The following PAG1 variants were observed in gnomAD, a reference collection of about 807,000 sequenced individuals.
PAG1 encodes the protein phosphoprotein membrane anchor with glycosphingolipid microdomains 1.
In PAG1, 23 loss-of-function variants were observed where a neutral mutation model predicts 31.7. The observed-to-expected ratio is 0.73, with a 90% CI of 0.52 to 1.03. The LOEUF (loss-of-function observed/expected upper bound fraction) is 1.03. Among genes scored for constraint, PAG1 ranks in the 50% least tolerant of loss-of-function variants. PAG1 has a pLI of 0.00. For synonymous variants in PAG1, 214 were observed against 210.3 expected (o/e 1.02, Z -0.15); for missense variants, 473 against 540.7 (o/e 0.87, Z 1.24).
chr8:81,023,137 GTTAA>G (rs1469267667), intron 3 of PAG1, among the ~76,000 whole-genome samples: 3 of 152,028 alleles, frequency 2.0e-5, no homozygotes, highest in African/African-American at 7.3e-5. Context: ...TTGATTTTAA[GTTAA>G]TTATTATTAA....
rs1040190326 is a variant in PAG1 at position 80,975,743 on chromosome 8, C to T, written c.*801G>A. On this transcript the variant is annotated 3_prime_UTR_variant, in exon 9 of 9. Transcript: ENST00000220597. ...AGTACCACAATACTCATGGAAAATACTGAAAAGATTCGGACGAGTTTTCAA... is the reference window on the plus strand; with the variant it reads ...AGTACCACAATACTCATGGAAAATATTGAAAAGATTCGGACGAGTTTTCAA... The T allele has an allele frequency of 2.0e-5, 3 of 152,210 alleles. No individual in the cohort carries two copies. The highest frequency in any genetic ancestry group is 6.5e-5 in the Admixed American group (1 of 15,288). The allele number at this position is 152,210 out of a possible 1,614,324, so 9.4% of individuals were successfully genotyped here.
At chr8:81,079,479 C>A (rs558314667) in intron 1 of PAG1, among the ~76,000 whole-genome samples, 1 of 152,158 alleles carries the variant, frequency 6.6e-6, no homozygotes, top group Non-Finnish European at 1.5e-5. Context: ...CTAGGCATTA[C>A]AAAGGCGATC....
Position 80,984,888 on chromosome 8 carries a change from T to A in PAG1, c.764A>T (p.Glu255Val). 6.2e-7 allele frequency: 1 copy of A among 1,614,134 alleles called. No individual in the cohort carries two copies. The highest frequency in any genetic ancestry group is 8.5e-7 in the Non-Finnish European group (1 of 1,180,004). The part of the protein sequence containing the change: ...ILGNSCDPEE[E>V]APPPVPVKLL... ...CTTAACAGGGACAGGTGGTGGGGCCTCCTCTTCTGGATCACATGAATTTCC... is the reference window on the plus strand; with the variant it reads ...CTTAACAGGGACAGGTGGTGGGGCCACCTCTTCTGGATCACATGAATTTCC... The change falls in exon 7 of 9, where the codon GAG becomes GTG. Residue 255 changes from glutamate (E) to valine (V), a missense_variant. By Grantham distance (121) the Glu-to-Val change is moderately radical. Coordinates refer to ENST00000220597, the MANE Select transcript of PAG1 (RefSeq NM_018440.4).
intron 1 of PAG1, among the ~76,000 whole-genome samples, chr8:81,085,793 T>C (rs1028145473): frequency 1.3e-5 from 2 of 152,208 alleles, no homozygotes; most frequent in Non-Finnish European, 2.9e-5. Flanking sequence ...AAGTCTTTCA[T>C]ATGCAAAACT....
chr8:81,105,568 T>G (rs1244840082), intron 1 of PAG1, among the ~76,000 whole-genome samples: 2 of 152,224 alleles, frequency 1.3e-5, no homozygotes, highest in Non-Finnish European at 2.9e-5. Context: ...GACTGGCTTT[T>G]TTTTAATGAA....
chr8:81,053,241 GA>G (rs1371825451), intron 2 of PAG1, among the ~76,000 whole-genome samples: 1 of 152,194 alleles, frequency 6.6e-6, no homozygotes, highest in Non-Finnish European at 1.5e-5. Context: ...CCTGAATAAA[GA>G]ATAGAGATTT....
chr8:81,064,657 A>T (rs1808973888), intron 2 of PAG1, among the ~76,000 whole-genome samples: 1 of 150,922 alleles, frequency 6.6e-6, no homozygotes, highest in East Asian at 1.9e-4. Flanking sequence ...TAGGTCCTCT[A>T]GTGTGCTTTT....
At chr8:81,106,890 C>G (rs143466175) in intron 1 of PAG1, among the ~76,000 whole-genome samples, 322 of 152,254 alleles carry the variant, frequency 2.1e-3, no homozygotes, top group Non-Finnish European at 3.7e-3. Context: ...CATAAGTGTT[C>G]GTTTCCTTTG....
chr8:81,054,450 G>A (rs775499992), intron 2 of PAG1, among the ~76,000 whole-genome samples: 6 of 152,098 alleles, frequency 3.9e-5, no homozygotes, highest in Non-Finnish European at 7.4e-5. Flanking sequence ...CAAGGCGGGC[G>A]GATCACGAGG....
In PAG1 at chr8:80,985,150, C is replaced by T; in HGVS notation, c.502G>A (p.Asp168Asn). The T allele has an allele frequency of 6.2e-7, 1 of 1,614,150 alleles. No individual in the cohort carries two copies. The highest frequency in any genetic ancestry group is 8.5e-7 in the Non-Finnish European group (1 of 1,180,032). Reference sequence around the variant, plus strand: ...ACCATGTTTTCTTGGGAGGAGCTGTCCTTGAGCACTTCATAGGGCCCTTCC... The same window carrying T: ...ACCATGTTTTCTTGGGAGGAGCTGTTCTTGAGCACTTCATAGGGCCCTTCC... ...GMEGPYEVLK[D>N]SSSQENMVED... Residue 168 changes from aspartate (D) to asparagine (N), a missense_variant, in exon 7 of 9, where the codon GAC (aspartate) becomes AAC (asparagine). Transcript: ENST00000220597.
At chr8:80,978,149 G>C (rs1417617340) in intron 8 of PAG1, among the ~76,000 whole-genome samples, 1 of 152,108 alleles carries the variant, frequency 6.6e-6, no homozygotes, top group African/African-American at 2.4e-5. Flanking sequence ...TTCATTACAG[G>C]CTGGTGGCTG....
chr8:81,038,115 T>C (rs376691264), intron 2 of PAG1, among the ~76,000 whole-genome samples: 60 of 152,184 alleles, frequency 3.9e-4, no homozygotes, highest in African/African-American at 1.3e-3. Flanking sequence ...CAAGGGGTTA[T>C]GGGGTTGGAG....
intron 2 of PAG1, among the ~76,000 whole-genome samples, chr8:81,046,221 G>A (rs79533682): frequency 8.3e-4 from 126 of 152,314 alleles, no homozygotes; most frequent in African/African-American, 2.9e-3. Flanking sequence ...TCTGTGCAAG[G>A]CAGTAATATT....
At chr8:81,069,535 G>A (rs183865744) in intron 2 of PAG1, among the ~76,000 whole-genome samples, 1 of 152,350 alleles carries the variant, frequency 6.6e-6, no homozygotes, top group East Asian at 1.9e-4. Flanking sequence ...TGTTCATTTA[G>A]TCTGAATGAT....
rs1438396088 is a variant in PAG1 at position 80,973,543 on chromosome 8, T to TA, written c.*3000dup. On this transcript the variant is annotated 3_prime_UTR_variant, in exon 9 of 9. Transcript: ENST00000220597. ...AGATTTATAATTCTTACTTACAAGA[T>TA]AAAAAAATTTCCTAAAATTTATTTT... 1.3e-5 allele frequency: 2 copies of TA among 152,202 alleles called. No homozygotes were observed. Among genetic ancestry groups the TA allele is most frequent in the African/African-American group, 4.8e-5 (2 of 41,464 alleles). 9.4% of individuals were successfully genotyped at this position (152,202 alleles called of 1,614,324 possible).
Position 80,972,216 on chromosome 8 carries a change from C to G in PAG1, c.*4328G>C, listed in dbSNP as rs1224308814. On this transcript the variant is annotated 3_prime_UTR_variant, in exon 9 of 9. Transcript: ENST00000220597. ...GTCAAGATTTCCAGGAAGTAATCAT[C>G]AGTACCTACTGTGCTTCCAGCAGCC... 2 of 152,184 alleles carry G rather than the reference C, an allele frequency of 1.3e-5. No homozygotes were observed. The highest frequency in any genetic ancestry group is 3.9e-4 in the East Asian group (2 of 5,194). 9.4% of individuals were successfully genotyped at this position (152,184 alleles called of 1,614,324 possible).
chr8:81,036,545 G>A (rs1014687445), intron 2 of PAG1, among the ~76,000 whole-genome samples: 1 of 152,160 alleles, frequency 6.6e-6, no homozygotes, highest in African/African-American at 2.4e-5. Flanking sequence ...AATCATGCAA[G>A]AAAACTGTAT....
At chr8:81,098,008 G>T (rs1249115702) in intron 1 of PAG1, among the ~76,000 whole-genome samples, 2 of 152,144 alleles carry the variant, frequency 1.3e-5, no homozygotes, top group East Asian at 1.9e-4. Flanking sequence ...ATTATCTATA[G>T]TATATTCTGC....
intron 2 of PAG1, chr8:81,039,249 A>G (rs574530652): frequency 7.8e-4 from 119 of 152,356 alleles, no homozygotes; most frequent in African/African-American, 2.6e-3. Flanking sequence ...GGACTGCAGA[A>G]TGTGACCTTA....
Sources: allele counts gnomAD v4.1 joint callset (sites outside exome capture counted in the v4.1 genomes callset), GRCh38; gene constraint gnomAD v4.1.1; transcripts MANE v1.5; gene names NCBI Gene and HGNC (gene_info 2026-07-23, HGNC 2026-07-21).